Variants in ARID3A observed in about 807,000 individuals in gnomAD.
The protein encoded by ARID3A is AT-rich interaction domain 3A, also known as AT-rich interactive domain-containing protein 3A.
A neutral mutation model predicts 52.7 loss-of-function variants in ARID3A; 11 were observed. The ratio of observed to expected loss-of-function variants is 0.21; its 90% confidence interval spans 0.13 to 0.35. The LOEUF is 0.35. Ranked by LOEUF, ARID3A falls within the 10% of genes least tolerant of loss-of-function variation. The pLI, the probability that ARID3A is intolerant of heterozygous loss-of-function variation, is 1.00. For missense variants in ARID3A, 721 were observed against 838.5 expected (o/e 0.86, Z 1.73); for synonymous variants, 404 against 359.4 (o/e 1.12, Z -1.40).
At chr19:950,516 G>A (rs1196358167) in intron 3 of ARID3A, among the ~76,000 whole-genome samples, 1 of 152,172 alleles carries the variant, frequency 6.6e-6, no homozygotes. Flanking sequence ...AGGGGTTCAG[G>A]GGGAGCAGCC....
chr19:970,893 A>C (rs1257974892), intron 8 of ARID3A, among the ~76,000 whole-genome samples: 1 of 152,162 alleles, frequency 6.6e-6, no homozygotes, highest in Non-Finnish European at 1.5e-5. Context: ...TCAGAGGCTG[A>C]GCTGAAGGTC....
intron 4 of ARID3A, among the ~76,000 whole-genome samples, chr19:962,659 C>T (rs4807312): frequency 0.68 from 102,977 of 151,460 alleles, 35,801 homozygotes; most frequent in Middle Eastern, 0.79. Flanking sequence ...GGATTACAGG[C>T]GCCCGCCACC....
chr19:952,690 C>G (rs1401796688), intron 3 of ARID3A, among the ~76,000 whole-genome samples: 1 of 152,192 alleles, frequency 6.6e-6, no homozygotes, highest in African/African-American at 2.4e-5. Flanking sequence ...CCCTCCCACC[C>G]CTGCCGTGGC....
rs941635944 is a variant in ARID3A at position 973,092 on chromosome 19, A to C, written c.*1027A>C. On this transcript the variant is annotated 3_prime_UTR_variant, in exon 9 of 9. Transcript: ENST00000263620. ...TGCTTGTCTGCTGGGCTCTCGAGTC[A>C]GGGGCCTGGAAATTTTTTTTTTTTT... 2.9e-5 allele frequency: 2 copies of C among 70,046 alleles called. No individual in the cohort carries two copies. The highest frequency in any genetic ancestry group is 1.1e-4 in the African/African-American group (2 of 18,692). 4.3% of individuals were successfully genotyped at this position (70,046 alleles called of 1,614,324 possible).
chr19:943,560 T>C (rs562077462), intron 3 of ARID3A, among the ~76,000 whole-genome samples: 30 of 151,194 alleles, frequency 2.0e-4, no homozygotes, highest in African/African-American at 5.8e-4. Context: ...AGAGCGAGAC[T>C]CTGTCTCAAA....
At chr19:965,558 G>A (rs753896331) in intron 6 of ARID3A, among the ~76,000 whole-genome samples, 1 of 151,950 alleles carries the variant, frequency 6.6e-6, no homozygotes, top group Non-Finnish European at 1.5e-5. Flanking sequence ...GCTGGGCGTG[G>A]CAACGTGCAC....
At chr19:969,834 G>A (rs999542851) in intron 8 of ARID3A, among the ~76,000 whole-genome samples, 10 of 150,966 alleles carry the variant, frequency 6.6e-5, no homozygotes, top group African/African-American at 2.4e-4. Context: ...GACTACAGGC[G>A]TGTGTCACCA....
chr19:926,226 C>T (rs1002564755), intron 1 of ARID3A, among the ~76,000 whole-genome samples, 167 bp downstream of exon 1: 2 of 151,678 alleles, frequency 1.3e-5, no homozygotes, highest in African/African-American at 4.8e-5. Context: ...CTGGCCGTTC[C>T]CAGCGCGGGT....
Position 955,132 on chromosome 19 carries a change from G to C in ARID3A, c.694-4960G>C, listed in dbSNP as rs540000423. On this transcript the variant is annotated intron_variant, in intron 3 of 8. Transcript: ENST00000263620. ...AAGGCCTGGGTTTGCCATGGGGTGT[G>C]CTGTGGCCCAGCAGTTCAACCCGGG... 3.9e-5 allele frequency among the ~76,000 whole-genome samples: 6 copies of C among 152,270 alleles called. 1 individual carries two copies. The South Asian group carries it at 1.2e-3, about 32-fold the overall frequency.
chr19:956,410 C>T (rs2037918272), intron 3 of ARID3A: 1 of 152,326 alleles, frequency 6.6e-6, no homozygotes, highest in Non-Finnish European at 1.5e-5. Context: ...ACTCCTAGAT[C>T]CGTGACTCGG....
At chr19:971,057 C>T (rs1156986057) in intron 8 of ARID3A, among the ~76,000 whole-genome samples, 1 of 152,226 alleles carries the variant, frequency 6.6e-6, no homozygotes, top group Admixed American at 6.5e-5. Context: ...GAACCATGGG[C>T]ATCAGGGTTC....
chr19:933,141 G>A (rs1202075864), intron 3 of ARID3A, among the ~76,000 whole-genome samples: 4 of 152,188 alleles, frequency 2.6e-5, no homozygotes, highest in Non-Finnish European at 5.9e-5. Context: ...TGGTGACTTG[G>A]CCTCCTCTGT....
rs1252986085 is a variant in ARID3A at position 974,408 on chromosome 19, C to T, written c.*2343C>T. 10 of 230,498 alleles carry T rather than the reference C, an allele frequency of 4.3e-5. No homozygotes were observed. Among genetic ancestry groups the T allele is most frequent in the Middle Eastern group, 1.3e-3 (1 of 792 alleles). 14.3% of individuals were successfully genotyped at this position (230,498 alleles called of 1,614,324 possible). A position where few individuals can be genotyped will look rare whatever the true frequency, so the allele number is the denominator to read the frequency against. On this transcript the variant is annotated 3_prime_UTR_variant, in exon 9 of 9. Transcript: ENST00000263620. ...CCTCCAGACACAATCGGGCCCCACT[C>T]GCAGAACCACCTGGACTCTGTCCGT...
At position 975,594 on chromosome 19, in the gene ARID3A, G is replaced by C; in HGVS notation, c.*3529G>C. 6.1e-6 allele frequency: 1 copy of C among 163,668 alleles called. No homozygotes were observed. Among genetic ancestry groups the C allele is most frequent in the Non-Finnish European group, 1.3e-5 (1 of 78,820 alleles). The allele number at this position is 163,668 out of a possible 1,614,324, so 10.1% of individuals were successfully genotyped here. On this transcript the variant is annotated 3_prime_UTR_variant, in exon 9 of 9. Coordinates refer to ENST00000263620, the MANE Select transcript of ARID3A (RefSeq NM_005224.3). Reference sequence around the variant, plus strand: ...ACGCCTGAAACTCAGGTAATAGGAGGAAAAAAAAAAAAACTTAAAAAAATT... The same window carrying C: ...ACGCCTGAAACTCAGGTAATAGGAGCAAAAAAAAAAAAACTTAAAAAAATT...
chr19:953,368 G>A (rs1026366142), intron 3 of ARID3A, among the ~76,000 whole-genome samples: 66 of 151,536 alleles, frequency 4.4e-4, no homozygotes, highest in East Asian at 1.9e-4. Context: ...CCCCACCGGC[G>A]CCACCACCCG....
At chr19:946,603 G>C (rs1178564370) in intron 3 of ARID3A, among the ~76,000 whole-genome samples, 1 of 151,850 alleles carries the variant, frequency 6.6e-6, no homozygotes, top group Non-Finnish European at 1.5e-5. Flanking sequence ...ACCATGCCCG[G>C]CTAATTTTTG....
At position 972,237 on chromosome 19, in the gene ARID3A, A is replaced by ATG. The variant is rs761223505; in HGVS notation, c.*173_*174insGT. ...AAAGAAAAAAGATATATATATATATATATATATATACACGTATATATATAA... is the reference window on the plus strand; with the variant it reads ...AAAGAAAAAAGATATATATATATATATGTATATATATACACGTATATATATAA... On this transcript the variant is annotated 3_prime_UTR_variant, in exon 9 of 9. Coordinates refer to ENST00000263620, the MANE Select transcript of ARID3A (RefSeq NM_005224.3). 1.4e-5 allele frequency: 3 copies of ATG among 215,462 alleles called. No homozygotes were observed. In the East Asian group the frequency reaches 2.4e-4, roughly 17 times the overall value. 13.3% of individuals were successfully genotyped at this position (215,462 alleles called of 1,614,324 possible). A position where few individuals can be genotyped will look rare whatever the true frequency, so the allele number is the denominator to read the frequency against.
rs1288135311 is a variant in ARID3A at position 932,407 on chromosome 19, G to C, written c.369-11G>C. On this transcript the variant is annotated splice_polypyrimidine_tract_variant and intron_variant, in intron 2 of 8. Transcript: ENST00000263620. ...CCTTCTCCCCTGACTCCTGCCCTCT[G>C]CTCACCCCAGGAAGCCCAAATGGGA... 1 of 1,593,744 alleles carries C rather than the reference G, an allele frequency of 6.3e-7. No homozygotes were observed. The highest frequency in any genetic ancestry group is 1.8e-5 in the Admixed American group (1 of 54,740).
intron 1 of ARID3A, among the ~76,000 whole-genome samples, chr19:927,008 G>A (rs933900777): frequency 6.6e-6 from 1 of 151,234 alleles, no homozygotes; most frequent in Non-Finnish European, 1.5e-5. Context: ...CCCAACCCAG[G>A]ACTTTCTTAG....
Sources: gnomAD v4.1 joint callset for allele counts (sites outside exome capture counted in the v4.1 genomes callset) on GRCh38, gnomAD v4.1.1 for gene constraint, MANE v1.5 for transcripts, NCBI Gene and HGNC (gene_info 2026-07-23, HGNC 2026-07-21) for gene names.